The following RHOQ variants were observed in gnomAD, a reference collection of about 807,000 sequenced individuals.
RHOQ encodes the protein rho-related GTP-binding protein RhoQ.
RHOQ carries 7 observed loss-of-function variants against 25.8 expected under a neutral mutation model. That is an observed-to-expected ratio of 0.27 (90% CI 0.15 to 0.51). RHOQ has a LOEUF of 0.51. Among genes scored for constraint, RHOQ ranks in the 20% least tolerant of loss-of-function variants. The pLI is 0.97. For synonymous variants in RHOQ, 97 were observed against 98.6 expected, an observed-to-expected ratio of 0.98 and a Z score of 0.10; for missense variants, 165 against 260.6, an observed-to-expected ratio of 0.63 and a Z score of 2.53.
chr2:46,580,784 C>A lies in RHOQ; in HGVS notation c.463-144C>A. 7.4e-6 allele frequency: 4 copies of A among 538,706 alleles called. No homozygotes were observed. The South Asian group carries it at 1.6e-4, about 21-fold the overall frequency. 33.4% of individuals were successfully genotyped at this position (538,706 alleles called of 1,614,324 possible). A position where few individuals can be genotyped will look rare whatever the true frequency, so the allele number is the denominator to read the frequency against. On this transcript the variant is annotated intron_variant, in intron 4 of 4. Transcript: ENST00000238738. Reference sequence around the variant, plus strand: ...GGACATATACTAGTATTTTAAAATCCCCTCTGGGGTTATGAACATGGATGA... The same window carrying A: ...GGACATATACTAGTATTTTAAAATCACCTCTGGGGTTATGAACATGGATGA...
intron 2 of RHOQ, among the ~76,000 whole-genome samples, chr2:46,574,247 G>A (rs1003484446): frequency 6.6e-6 from 1 of 152,198 alleles, no homozygotes; most frequent in Admixed American, 6.5e-5. Flanking sequence ...GCTTTTTAAT[G>A]AGAACACCCC....
chr2:46,565,732 A>G (rs900254575), intron 2 of RHOQ, among the ~76,000 whole-genome samples: 8 of 152,228 alleles, frequency 5.3e-5, no homozygotes, highest in African/African-American at 1.9e-4. Flanking sequence ...TCACCTTCCC[A>G]TGAGCTACCG....
chr2:46,556,130 T>C lies in RHOQ; in HGVS notation c.201+12318T>C, dbSNP rs1373557796. 1.3e-5 allele frequency among the ~76,000 whole-genome samples: 2 copies of C among 152,210 alleles called. No individual in the cohort carries two copies. Among genetic ancestry groups the C allele is most frequent in the African/African-American group, 4.8e-5 (2 of 41,452 alleles). On this transcript the variant is annotated intron_variant, in intron 2 of 4. Transcript: ENST00000238738. This position sits in a 1 kb window ranked among gnomAD's most constrained non-coding sequence, Gnocchi z 4.9. Reference sequence around the variant, plus strand: ...TCTGTTTCTATGGATTTACCTATTCTGGACATTTCATATTAATGGAATCCT... The same window carrying C: ...TCTGTTTCTATGGATTTACCTATTCCGGACATTTCATATTAATGGAATCCT...
chr2:46,543,683 G>C, intron 1 of RHOQ, 71 bp from the exon 2 acceptor site: 2 of 1,408,248 alleles, frequency 1.4e-6, no homozygotes, highest in South Asian at 2.4e-5. Flanking sequence ...GGGTCCGGGT[G>C]GGGAGCGAAA....
At chr2:46,572,218 T>G (rs973083394) in intron 2 of RHOQ, among the ~76,000 whole-genome samples, 3 of 138,356 alleles carry the variant, frequency 2.2e-5, no homozygotes, top group Non-Finnish European at 4.5e-5. Flanking sequence ...TCCACCCACC[T>G]GAGCCTCCTG....
At chr2:46,575,063 T>C (rs1230700584) in intron 2 of RHOQ, among the ~76,000 whole-genome samples, 3 of 152,080 alleles carry the variant, frequency 2.0e-5, no homozygotes, top group African/African-American at 4.8e-5. Flanking sequence ...AAATAGTCTA[T>C]GCAAAAAAGG....
chr2:46,543,530 G>A, intron 1 of RHOQ: 1 of 605,624 alleles, frequency 1.7e-6, no homozygotes, highest in Non-Finnish European at 3.0e-6. Flanking sequence ...ACGTGGCTAC[G>A]GGACTTGGGA....
intron 2 of RHOQ, among the ~76,000 whole-genome samples, chr2:46,564,600 G>T (rs1226051465): frequency 6.6e-6 from 1 of 152,192 alleles, no homozygotes; most frequent in Non-Finnish European, 1.5e-5. Flanking sequence ...GTTGGTCATG[G>T]CTTAACTCCT....
At chr2:46,561,250 G>GA (rs35004541) in intron 2 of RHOQ, among the ~76,000 whole-genome samples, 68,071 of 151,578 alleles carry the variant, frequency 0.45, 16,345 homozygotes, top group African/African-American at 0.61. Context: ...GGCCAGGCAG[G>GA]AAGAGTACGG....
intron 2 of RHOQ, among the ~76,000 whole-genome samples, chr2:46,563,835 T>C (rs1410576244): frequency 6.6e-6 from 1 of 151,970 alleles, no homozygotes; most frequent in Non-Finnish European, 1.5e-5. Flanking sequence ...TTTTTCTTAA[T>C]GGAGACAGGG....
intron 2 of RHOQ, among the ~76,000 whole-genome samples, chr2:46,572,494 C>G (rs529963314): frequency 3.1e-4 from 47 of 152,276 alleles, no homozygotes; most frequent in Non-Finnish European, 5.9e-4. Context: ...CCAGAACACA[C>G]TTAAAAACTT....
At chr2:46,562,265 C>T (rs1287502861) in intron 2 of RHOQ, among the ~76,000 whole-genome samples, 2 of 152,142 alleles carry the variant, frequency 1.3e-5, no homozygotes, top group East Asian at 1.9e-4. Context: ...AGCCTGGGCT[C>T]AGCTGCTGCC....
rs1321066000 is a variant in RHOQ at position 46,581,996 on chromosome 2, A to T, written c.*913A>T. On this transcript the variant is annotated 3_prime_UTR_variant, in exon 5 of 5. Transcript: ENST00000238738. ...GAGAAGTGTGTATGCTGACCAAACCACAAGAAACTTTCTTTAAGTTGTGTT... is the reference window on the plus strand; with the variant it reads ...GAGAAGTGTGTATGCTGACCAAACCTCAAGAAACTTTCTTTAAGTTGTGTT... The T allele has an allele frequency of 6.4e-6, 1 of 157,402 alleles. No individual in the cohort carries two copies. The highest frequency in any genetic ancestry group is 1.4e-5 in the Non-Finnish European group (1 of 71,424). 9.8% of individuals were successfully genotyped at this position (157,402 alleles called of 1,614,324 possible).
At chr2:46,579,843 C>CAG (rs1669282189) in intron 4 of RHOQ, among the ~76,000 whole-genome samples, 1 of 135,662 alleles carries the variant, frequency 7.4e-6, no homozygotes, top group African/African-American at 2.7e-5. Flanking sequence ...GAAACTGTCT[C>CAG]AAAAAAAAAA....
At position 46,583,336 on chromosome 2, in the gene RHOQ, A is replaced by T. The variant is rs1669465273; in HGVS notation, c.*2253A>T. 1.3e-5 allele frequency among the ~76,000 whole-genome samples: 2 copies of T among 152,168 alleles called. No homozygotes were observed. Among genetic ancestry groups the T allele is most frequent in the Admixed American group, 6.5e-5 (1 of 15,272 alleles). On this transcript the variant is annotated 3_prime_UTR_variant, in exon 5 of 5. Coordinates refer to ENST00000238738, the MANE Select transcript of RHOQ (RefSeq NM_012249.4). ...TCATTATAAATATGGGAGGTAGAAC[A>T]GAGATCTCCAACGTCTCTCCCATTT...
chr2:46,550,302 C>G (rs1403574606), intron 2 of RHOQ, among the ~76,000 whole-genome samples: 2 of 151,876 alleles, frequency 1.3e-5, no homozygotes, highest in African/African-American at 4.8e-5. Context: ...AAAAGGTTAA[C>G]CAAGGACTAA....
At chr2:46,558,756 G>T (rs1406683900) in intron 2 of RHOQ, among the ~76,000 whole-genome samples, 1 of 152,152 alleles carries the variant, frequency 6.6e-6, no homozygotes, top group African/African-American at 2.4e-5. Context: ...TCAGATGCTG[G>T]AGTTGCTGGA....
chr2:46,543,503 C>G, intron 1 of RHOQ: 2 of 600,948 alleles, frequency 3.3e-6, no homozygotes, highest in South Asian at 4.0e-5. Context: ...GGGAAATATT[C>G]GAGGGGACCG....
chr2:46,561,629 C>G (rs748480237), intron 2 of RHOQ, among the ~76,000 whole-genome samples: 1 of 151,980 alleles, frequency 6.6e-6, no homozygotes, highest in African/African-American at 2.4e-5. Flanking sequence ...TTCCATGTAG[C>G]CTTTTCTGTT....
Sources: gnomAD v4.1 joint callset for allele counts (sites outside exome capture counted in the v4.1 genomes callset) on GRCh38, gnomAD v4.1.1 for gene constraint, Gnocchi (gnomAD v3.1) non-coding constraint, MANE v1.5 for transcripts, NCBI Gene and HGNC (gene_info 2026-07-23, HGNC 2026-07-21) for gene names.